Variants in EYS observed in about 807,000 individuals in gnomAD.
EYS encodes protein eyes shut homolog.
A neutral mutation model predicts 282.1 loss-of-function variants in EYS; 250 were observed. The observed-to-expected ratio is 0.89, with a 90% CI of 0.80 to 0.98. EYS has a LOEUF of 0.98. Among genes scored for constraint, EYS ranks in the 50% least tolerant of loss-of-function variants. The pLI is 0.00. For synonymous variants in EYS, 1,355 were observed against 1,282.9 expected (o/e 1.06, Z -1.20); for missense variants, 4,016 against 3,709.0 (o/e 1.08, Z -2.15).
intron 26 of EYS, among the ~76,000 whole-genome samples, chr6:64,480,515 C>G (rs551870545): frequency 6.6e-6 from 1 of 151,868 alleles, no homozygotes; most frequent in East Asian, 1.9e-4. Flanking sequence ...TAGAGTTCAG[C>G]TAACGTTGAT....
At chr6:64,579,627 A>T (rs1765996950) in intron 26 of EYS, among the ~76,000 whole-genome samples, 1 of 152,024 alleles carries the variant, frequency 6.6e-6, no homozygotes, top group Admixed American at 6.6e-5. Context: ...CACAAGCCTT[A>T]TTATCACTGG....
At chr6:64,531,478 C>G (rs1023015476) in intron 26 of EYS, among the ~76,000 whole-genome samples, 1 of 151,390 alleles carries the variant, frequency 6.6e-6, no homozygotes, top group African/African-American at 2.4e-5. Flanking sequence ...GCTCCGCCTC[C>G]CGGATTCACG....
intron 8 of EYS, among the ~76,000 whole-genome samples, chr6:65,355,419 A>T (rs1764443003): frequency 6.6e-6 from 1 of 152,066 alleles, no homozygotes. Context: ...TAGGAAGAGA[A>T]CTCATGACTG....
intron 13 of EYS, among the ~76,000 whole-genome samples, chr6:65,001,013 G>C (rs562919304): frequency 7.9e-5 from 12 of 152,312 alleles, no homozygotes; most frequent in African/African-American, 2.9e-4. Flanking sequence ...GGGGGACCAC[G>C]CAGATAGGCA....
intron 13 of EYS, among the ~76,000 whole-genome samples, chr6:65,029,933 T>A (rs1772543836): frequency 1.3e-5 from 2 of 152,076 alleles, no homozygotes; most frequent in South Asian, 4.1e-4. Flanking sequence ...TAAGCGAGGA[T>A]GGCCCACTCT....
chr6:64,327,812 C>T (rs921855220), intron 29 of EYS, among the ~76,000 whole-genome samples: 1 of 152,160 alleles, frequency 6.6e-6, no homozygotes, highest in African/African-American at 2.4e-5. Context: ...ATTTATCCAT[C>T]CCTGGCAAGG....
intron 2 of EYS, among the ~76,000 whole-genome samples, chr6:65,609,180 T>A (rs1765907168): frequency 6.6e-6 from 1 of 152,002 alleles, no homozygotes; most frequent in Non-Finnish European, 1.5e-5. Context: ...AGCATGTGAC[T>A]AATGCATTGC....
chr6:63,815,186 A>G (rs1190439076), intron 36 of EYS, among the ~76,000 whole-genome samples: 1 of 152,196 alleles, frequency 6.6e-6, no homozygotes, highest in Non-Finnish European at 1.5e-5. Context: ...TATAGTATCT[A>G]TTATGTCCCA....
chr6:64,228,079 C>T (rs1766303249), intron 31 of EYS, among the ~76,000 whole-genome samples: 2 of 152,066 alleles, frequency 1.3e-5, no homozygotes, highest in Admixed American at 6.6e-5. Context: ...GGACCAGATT[C>T]CTGAATTACA....
chr6:65,633,606 C>G (rs1043027644), intron 2 of EYS, among the ~76,000 whole-genome samples: 5 of 152,120 alleles, frequency 3.3e-5, no homozygotes, highest in Non-Finnish European at 1.5e-5. Flanking sequence ...TTATTCAGTG[C>G]TTCTCCCTCT....
intron 26 of EYS, among the ~76,000 whole-genome samples, chr6:64,495,410 G>C (rs1473108393): frequency 6.6e-6 from 1 of 151,804 alleles, no homozygotes. Flanking sequence ...TCCTTCAATA[G>C]CCAGGAAAGT....
intron 33 of EYS, among the ~76,000 whole-genome samples, chr6:64,052,877 G>T (rs1347298731): frequency 6.6e-6 from 1 of 152,112 alleles, no homozygotes; most frequent in African/African-American, 2.4e-5. Flanking sequence ...GTTTGCTGAG[G>T]ACTTCCCCAG....
intron 12 of EYS, among the ~76,000 whole-genome samples, chr6:65,263,880 C>G (rs1399374489): frequency 6.6e-6 from 1 of 151,766 alleles, no homozygotes; most frequent in East Asian, 1.9e-4. Context: ...TCACTGAACT[C>G]CAGCGTGGGC....
At chr6:64,307,587 C>T (rs990695967) in intron 29 of EYS, among the ~76,000 whole-genome samples, 23 of 151,942 alleles carry the variant, frequency 1.5e-4, no homozygotes, top group Non-Finnish European at 2.1e-4. Context: ...AGATTTAGGT[C>T]AAGAGATACA....
At chr6:63,854,357 GA>G (rs1189722325) in intron 36 of EYS, among the ~76,000 whole-genome samples, 1 of 152,090 alleles carries the variant, frequency 6.6e-6, no homozygotes, top group Non-Finnish European at 1.5e-5. Flanking sequence ...CACAGGAACA[GA>G]AAACCAAACT....
chr6:63,783,170 C>T (rs1204512921), intron 39 of EYS, among the ~76,000 whole-genome samples: 1 of 152,138 alleles, frequency 6.6e-6, no homozygotes, highest in East Asian at 1.9e-4. Flanking sequence ...TATCTCATGT[C>T]CACTCTATTC....
At chr6:63,777,266 G>C (rs319925) in intron 40 of EYS, among the ~76,000 whole-genome samples, 7 of 151,832 alleles carry the variant, frequency 4.6e-5, no homozygotes, top group Non-Finnish European at 8.8e-5. Flanking sequence ...TTCAGGGTAG[G>C]CTCTGTCTTT....
Position 65,619,723 on chromosome 6 carries a change from G to GTC in EYS, c.-333+20053_-333+20054dup, listed in dbSNP as rs532482280. ...GATAGCTCTTATTATTTTGAGATACGTCCCATCAATACCTAATTTATTGAG... is the reference window on the plus strand; with the variant it reads ...GATAGCTCTTATTATTTTGAGATACGTCTCCCATCAATACCTAATTTATTGAG... On this transcript the variant is annotated intron_variant, in intron 2 of 42. Transcript: ENST00000503581. 1.0e-3 allele frequency among the ~76,000 whole-genome samples: 156 copies of GTC among 151,074 alleles called. 4 individuals are homozygous for GTC. In the South Asian group the frequency reaches 0.031, roughly 30 times the overall value.
intron 19 of EYS, among the ~76,000 whole-genome samples, chr6:64,863,184 C>T (rs1766303954): frequency 2.6e-5 from 4 of 152,074 alleles, no homozygotes; most frequent in Admixed American, 2.0e-4. Flanking sequence ...TATTCAAATT[C>T]CCACATATTT....
Sources: allele counts gnomAD v4.1 joint callset (sites outside exome capture counted in the v4.1 genomes callset), GRCh38; gene constraint gnomAD v4.1.1; transcripts MANE v1.5; gene names NCBI Gene and HGNC (gene_info 2026-07-23, HGNC 2026-07-21).